Variants in PRKDC observed in about 807,000 individuals in gnomAD.
The protein encoded by PRKDC is DNA-dependent protein kinase catalytic subunit.
In PRKDC, 82 loss-of-function variants were observed where a neutral mutation model predicts 486.9. That is an observed-to-expected ratio of 0.17 (90% CI 0.14 to 0.20). The LOEUF (loss-of-function observed/expected upper bound fraction) is 0.20. PRKDC is among the 10% of genes least tolerant of loss of function. The pLI is 1.00. For synonymous variants in PRKDC, 1,895 were observed against 1,837.0 expected (o/e 1.03, Z -0.81); for missense variants, 4,504 against 5,038.2 (o/e 0.89, Z 3.21).
chr8:47,835,075 AAAATTACAC>A (rs1385227378), intron 58 of PRKDC, among the ~76,000 whole-genome samples: 1 of 152,238 alleles, frequency 6.6e-6, no homozygotes, highest in Non-Finnish European at 1.5e-5. Flanking sequence ...AATGTGCAAA[AAAATTACAC>A]AAAGGAGAAA....
chr8:47,801,139 T>G (rs975878396), intron 70 of PRKDC, among the ~76,000 whole-genome samples, 153 bp from the exon 71 acceptor site: 1 of 152,216 alleles, frequency 6.6e-6, no homozygotes, highest in African/African-American at 2.4e-5. Flanking sequence ...CGACACGATT[T>G]TGGCTCACTG....
intron 40 of PRKDC, among the ~76,000 whole-genome samples, chr8:47,871,031 C>G (rs1256133118): frequency 1.3e-5 from 2 of 151,938 alleles, no homozygotes; most frequent in Admixed American, 1.3e-4. Context: ...TGAAAATACA[C>G]AGAGGGGACA....
chr8:47,922,429 G>A (rs560533302), intron 21 of PRKDC, among the ~76,000 whole-genome samples: 19 of 151,552 alleles, frequency 1.3e-4, no homozygotes, highest in Admixed American at 7.9e-4. Context: ...CCAAGATCAC[G>A]CAACTGCACT....
intron 7 of PRKDC, among the ~76,000 whole-genome samples, chr8:47,948,682 G>A (rs539563842): frequency 1.6e-4 from 23 of 145,314 alleles, no homozygotes; most frequent in African/African-American, 4.9e-4. Flanking sequence ...GGCTGGTCTC[G>A]AACTCCCAGC....
rs1271219750 is a variant in PRKDC at position 47,839,181 on chromosome 8, A to T, written c.7520T>A (p.Ile2507Asn). ...EIFKLAKDVL[I>N]QGLIDENPGL... ...AGGGTTCTCATCGATCAATCCTTGA[A>T]TCAGCACATCTTTTGCCAACTTAAA... The change falls in exon 56 of 86, where the codon ATT (isoleucine) becomes AAT (asparagine). Residue 2507 changes from isoleucine (I) to asparagine (N), a missense_variant. Ile to Asn is a moderately radical substitution (Grantham distance 149). Transcript: ENST00000314191. 6.2e-7 allele frequency: 1 copy of T among 1,613,758 alleles called. No individual in the cohort carries two copies. Among genetic ancestry groups the T allele is most frequent in the African/African-American group, 1.3e-5 (1 of 74,940 alleles).
intron 25 of PRKDC, among the ~76,000 whole-genome samples, chr8:47,906,533 C>T (rs1184950889): frequency 6.6e-6 from 1 of 150,696 alleles, no homozygotes; most frequent in Non-Finnish European, 1.5e-5. Context: ...ACTTGGGAGG[C>T]TAAAGCAGGA....
chr8:47,909,697 G>A (rs1410779953), intron 25 of PRKDC, among the ~76,000 whole-genome samples: 1 of 152,172 alleles, frequency 6.6e-6, no homozygotes. Context: ...GAATGACCCT[G>A]GGGAAGGAAT....
At chr8:47,785,784 T>C (rs2086780973) in intron 76 of PRKDC, among the ~76,000 whole-genome samples, 1 of 151,634 alleles carries the variant, frequency 6.6e-6, no homozygotes, top group Non-Finnish European at 1.5e-5. Flanking sequence ...ATTTCAATAC[T>C]CTAAAACATC....
rs762585293 is a variant in PRKDC at position 47,854,151 on chromosome 8, T to C, written c.6825A>G (p.Gln2275=). 11 of 1,613,688 alleles carry C rather than the reference T, an allele frequency of 6.8e-6. No homozygotes were observed. Among genetic ancestry groups the C allele is most frequent in the African/African-American group, 2.7e-5 (2 of 74,938 alleles). ...PNSKDNSVGI[Q]LLGIVMANDL... is the part of the protein sequence containing the mutation. ...CATTGGCCATCACGATGCCTAGCAA[T>C]TGAATCCCTACTGAGTTGTCTTTAG... Residue 2275 remains glutamine, a synonymous_variant, in exon 51 of 86, where the codon CAA becomes CAG. Coordinates refer to ENST00000314191, the MANE Select transcript of PRKDC (RefSeq NM_006904.7).
intron 52 of PRKDC, among the ~76,000 whole-genome samples, chr8:47,850,185 G>A (rs2088370092): frequency 6.6e-6 from 1 of 152,176 alleles, no homozygotes; most frequent in African/African-American, 2.4e-5. Context: ...CTGGCAGGAA[G>A]CAACGGAAAA....
At chr8:47,813,164 C>T (rs2087371595) in intron 68 of PRKDC, among the ~76,000 whole-genome samples, 1 of 151,856 alleles carries the variant, frequency 6.6e-6, no homozygotes, top group Non-Finnish European at 1.5e-5. Context: ...GTCTCCCAGG[C>T]TGGAATGCAA....
chr8:47,799,090 T>TTTTA, intron 72 of PRKDC, 120 bp downstream of exon 72: 2 of 1,313,214 alleles, frequency 1.5e-6, no homozygotes, highest in Admixed American at 4.5e-5. Context: ...AAAAAGACAG[T>TTTTA]AGGATTTTCA....
intron 54 of PRKDC, among the ~76,000 whole-genome samples, chr8:47,842,963 G>A (rs930234571): frequency 1.3e-5 from 2 of 152,200 alleles, no homozygotes; most frequent in Non-Finnish European, 2.9e-5. Context: ...TGGGGAGTTT[G>A]AGACCAGCCT....
At chr8:47,783,584 C>A (rs1026310285) in intron 78 of PRKDC, among the ~76,000 whole-genome samples, 158 bp downstream of exon 78, 1 of 150,980 alleles carries the variant, frequency 6.6e-6, no homozygotes, top group Admixed American at 6.6e-5. Flanking sequence ...GGCAAGACTC[C>A]GTCTCAAAAA....
chr8:47,865,547 A>G (rs2088789184), intron 40 of PRKDC, among the ~76,000 whole-genome samples: 1 of 152,174 alleles, frequency 6.6e-6, no homozygotes, highest in Admixed American at 6.5e-5. Flanking sequence ...AGTTTTGTCT[A>G]TAAATCTATA....
At chr8:47,936,182 A>G (rs945238533) in intron 12 of PRKDC, among the ~76,000 whole-genome samples, 171 bp downstream of exon 12, 1 of 152,210 alleles carries the variant, frequency 6.6e-6, no homozygotes, top group Non-Finnish European at 1.5e-5. Flanking sequence ...CCTGTTCTGG[A>G]TAACAAAAAA....
intron 63 of PRKDC, 50 bp from the exon 64 acceptor site, chr8:47,824,046 A>T: frequency 7.0e-7 from 1 of 1,434,392 alleles, no homozygotes; most frequent in Non-Finnish European, 9.2e-7. Context: ...CAGTATTTTA[A>T]AAGTATTTAT....
At chr8:47,925,939 A>C (rs767074125) in intron 21 of PRKDC, among the ~76,000 whole-genome samples, 1 of 152,190 alleles carries the variant, frequency 6.6e-6, no homozygotes, top group Non-Finnish European at 1.5e-5. Context: ...TCTGTCTCTA[A>C]CATGATAGAT....
intron 54 of PRKDC, among the ~76,000 whole-genome samples, chr8:47,843,139 G>C (rs1292594649): frequency 6.6e-6 from 1 of 152,094 alleles, no homozygotes; most frequent in South Asian, 2.1e-4. Flanking sequence ...ACTGCACTTC[G>C]GCCTGGGTTA....
Sources: gnomAD v4.1 joint callset for allele counts (sites outside exome capture counted in the v4.1 genomes callset) on GRCh38, gnomAD v4.1.1 for gene constraint, MANE v1.5 for transcripts, NCBI Gene and HGNC (gene_info 2026-07-23, HGNC 2026-07-21) for gene names.